The following LIMS1 variants were observed in gnomAD, a reference collection of about 807,000 sequenced individuals.
LIMS1 encodes the protein LIM zinc finger domain containing 1.
Under a neutral mutation model 44.1 loss-of-function variants are expected in LIMS1, and 18 were observed. That is an observed-to-expected ratio of 0.41 (90% CI 0.28 to 0.61). The LOEUF (loss-of-function observed/expected upper bound fraction) is 0.61, where lower values mean the gene tolerates loss of function less well. Ranked by LOEUF, LIMS1 falls within the 20% of genes least tolerant of loss-of-function variation. The pLI is 0.32. For synonymous variants in LIMS1, 93 were observed against 149.1 expected (o/e 0.62, Z 2.74); for missense variants, 201 against 422.0 (o/e 0.48, Z 4.59).
chr2:108,676,955 C>T (rs543346654), intron 7 of LIMS1: 23 of 437,436 alleles, frequency 5.3e-5, no homozygotes, highest in Non-Finnish European at 4.5e-5. Flanking sequence ...CACATAGTTA[C>T]GTAAATATTA....
intron 1 of LIMS1, among the ~76,000 whole-genome samples, chr2:108,613,551 C>G (rs1389008650): frequency 6.6e-6 from 1 of 152,150 alleles, no homozygotes; most frequent in African/African-American, 2.4e-5. Flanking sequence ...CTGTCACCAC[C>G]CTGGCTAGCT....
At chr2:108,611,870 C>A (rs1434013835) in intron 1 of LIMS1, among the ~76,000 whole-genome samples, 1 of 139,030 alleles carries the variant, frequency 7.2e-6, no homozygotes, top group African/African-American at 2.6e-5. Flanking sequence ...CATATATATA[C>A]ACATATATAT....
rs376890729 is a variant in LIMS1 at position 108,677,061 on chromosome 2, A to C, written c.774+363A>C. 13 of 196,216 alleles carry C rather than the reference A, an allele frequency of 6.6e-5. No homozygotes were observed. The East Asian group carries it at 1.1e-3, about 16-fold the overall frequency. The allele number at this position is 196,216 out of a possible 1,614,324, so 12.2% of individuals were successfully genotyped here. Reference sequence around the variant, plus strand: ...ATTTCCCAAGAATATGGGACTCTCTAACATAATTGTAGTTATCAATATTGA... The same window carrying C: ...ATTTCCCAAGAATATGGGACTCTCTCACATAATTGTAGTTATCAATATTGA... On this transcript the variant is annotated intron_variant, in intron 7 of 9. Transcript: ENST00000544547.
chr2:108,631,102 C>T (rs1293637987), intron 1 of LIMS1, among the ~76,000 whole-genome samples: 1 of 152,132 alleles, frequency 6.6e-6, no homozygotes, highest in African/African-American at 2.4e-5. Flanking sequence ...CAGCTTCTAG[C>T]CTCTGGCTTA....
intron 1 of LIMS1, among the ~76,000 whole-genome samples, chr2:108,614,368 G>A (rs1687821526): frequency 6.6e-6 from 1 of 152,142 alleles, no homozygotes; most frequent in African/African-American, 2.4e-5. Flanking sequence ...CAGATGCTGG[G>A]GAGGGTGTGG....
At chr2:108,662,108 A>G in intron 2 of LIMS1, 1 of 1,590,914 alleles carries the variant, frequency 6.3e-7, no homozygotes, top group Non-Finnish European at 8.6e-7. Flanking sequence ...ACTCAGAGAA[A>G]AAGACAGGCT....
chr2:108,535,371 G>A (rs914316969), intron 1 of LIMS1, among the ~76,000 whole-genome samples: 1 of 152,232 alleles, frequency 6.6e-6, no homozygotes, highest in Non-Finnish European at 1.5e-5. Flanking sequence ...CGTGGAATCT[G>A]AAGCTACTGT....
At chr2:108,621,486 A>G (rs1018517784) in intron 1 of LIMS1, 19 of 1,503,940 alleles carry the variant, frequency 1.3e-5, no homozygotes, top group Admixed American at 2.0e-5. Flanking sequence ...ATGGTTGGCT[A>G]AAGGTCAAGA....
At chr2:108,600,420 G>A (rs2104717424) in intron 1 of LIMS1, among the ~76,000 whole-genome samples, 1 of 152,184 alleles carries the variant, frequency 6.6e-6, no homozygotes, top group Middle Eastern at 3.4e-3. Context: ...TGCTTGTGGG[G>A]TATTATTCAA....
At chr2:108,645,320 G>T (rs1355993858) in intron 1 of LIMS1, among the ~76,000 whole-genome samples, 12 of 152,210 alleles carry the variant, frequency 7.9e-5, no homozygotes, top group African/African-American at 2.7e-4. Flanking sequence ...CAAGCCAGAA[G>T]AGAGTGGGGG....
At chr2:108,627,262 A>T (rs1229135354) in intron 1 of LIMS1, among the ~76,000 whole-genome samples, 2 of 152,222 alleles carry the variant, frequency 1.3e-5, no homozygotes, top group African/African-American at 4.8e-5. Context: ...CTCAGATCAT[A>T]TCCTTGTCAT....
chr2:108,572,888 G>T (rs1685532150), intron 1 of LIMS1, among the ~76,000 whole-genome samples: 1 of 152,152 alleles, frequency 6.6e-6, no homozygotes, highest in Non-Finnish European at 1.5e-5. Context: ...GGTCTCTCTT[G>T]TCCTAGAACC....
chr2:108,560,863 G>T (rs1222395926), intron 1 of LIMS1, among the ~76,000 whole-genome samples: 1 of 152,110 alleles, frequency 6.6e-6, no homozygotes, highest in Non-Finnish European at 1.5e-5. Context: ...CTCTTAACCA[G>T]CATTTCTGCC....
chr2:108,622,653 T>C (rs1688315736), intron 1 of LIMS1, among the ~76,000 whole-genome samples: 1 of 152,170 alleles, frequency 6.6e-6, no homozygotes, highest in South Asian at 2.1e-4. Context: ...GTTAAGAAGT[T>C]TGTATGTGAG....
chr2:108,592,129 A>G (rs1375818943), intron 1 of LIMS1, among the ~76,000 whole-genome samples: 1 of 151,994 alleles, frequency 6.6e-6, no homozygotes, highest in African/African-American at 2.4e-5. Flanking sequence ...ACTTACAGTG[A>G]TTTTAAATTG....
At chr2:108,649,462 A>G (rs1166592351) in intron 1 of LIMS1, among the ~76,000 whole-genome samples, 2 of 152,250 alleles carry the variant, frequency 1.3e-5, no homozygotes, top group Admixed American at 6.5e-5. Context: ...TGACCCAGCA[A>G]TCCCATTACT....
chr2:108,627,503 T>C (rs1265526485), intron 1 of LIMS1, among the ~76,000 whole-genome samples: 1 of 151,556 alleles, frequency 6.6e-6, no homozygotes. Flanking sequence ...ACGCATCATA[T>C]TATCTAAATT....
At chr2:108,563,759 C>A (rs758802501) in intron 1 of LIMS1, among the ~76,000 whole-genome samples, 1 of 152,092 alleles carries the variant, frequency 6.6e-6, no homozygotes, top group Admixed American at 6.6e-5. Flanking sequence ...GAATTGACTT[C>A]AATTTCGAAT....
At chr2:108,550,238 G>C (rs567817812) in intron 1 of LIMS1, among the ~76,000 whole-genome samples, 15 of 152,046 alleles carry the variant, frequency 9.9e-5, no homozygotes, top group Admixed American at 2.0e-4. Flanking sequence ...GCTCACCCCT[G>C]TAATCCCAGC....
Sources: allele counts gnomAD v4.1 joint callset (sites outside exome capture counted in the v4.1 genomes callset), GRCh38; gene constraint gnomAD v4.1.1; transcripts MANE v1.5; gene names NCBI Gene and HGNC (gene_info 2026-07-23, HGNC 2026-07-21).